The following LSM14B variants were observed in gnomAD, a reference collection of about 807,000 sequenced individuals.
LSM14B encodes the protein protein LSM14 homolog B.
A neutral mutation model predicts 42.1 loss-of-function variants in LSM14B; 8 were observed. The observed-to-expected ratio is 0.19, with a 90% CI of 0.11 to 0.34. The LOEUF (loss-of-function observed/expected upper bound fraction) is 0.34. Ranked by LOEUF, LSM14B falls within the 10% of genes least tolerant of loss-of-function variation. The pLI is 1.00. For synonymous variants in LSM14B, 219 were observed against 209.7 expected (o/e 1.04, Z -0.38); for missense variants, 396 against 513.1 (o/e 0.77, Z 2.21).
At chr20:62,123,726 C>G (rs1409096179) in intron 1 of LSM14B, among the ~76,000 whole-genome samples, 8 of 152,236 alleles carry the variant, frequency 5.3e-5, no homozygotes, top group Non-Finnish European at 1.2e-4. Context: ...CTAGACGCGT[C>G]TGAAACGCTG....
At chr20:62,133,515 G>C in intron 8 of LSM14B, 40 bp downstream of exon 8, 4 of 1,586,734 alleles carry the variant, frequency 2.5e-6, no homozygotes, top group Non-Finnish European at 3.4e-6. Flanking sequence ...GTGGGAGGGT[G>C]TAGGGTCAGG....
chr20:62,129,675 C>T, intron 3 of LSM14B, 110 bp from the exon 4 acceptor site: 13 of 1,166,550 alleles, frequency 1.1e-5, no homozygotes, highest in Non-Finnish European at 1.5e-5. Context: ...AACATCTAGG[C>T]AGTTGCCCTC....
Position 62,133,305 on chromosome 20 carries a change from G to C in LSM14B, c.1002G>C (p.Thr334=). Residue 334 remains threonine (T), a synonymous_variant, in exon 8 of 9, where the codon ACG becomes ACC. Transcript: ENST00000279068. Reference sequence around the variant, plus strand: ...TGTGGTTTAGCTCCAGGCGGACGACGTGGGCCGAAGAGAGGAAGCTCAACA... The same window carrying C: ...TGTGGTTTAGCTCCAGGCGGACGACCTGGGCCGAAGAGAGGAAGCTCAACA... ...SELKTSSRRT[T]WAEERKLNTE... is the part of the protein sequence containing the mutation. 6.2e-7 allele frequency: 1 copy of C among 1,613,404 alleles called. No homozygotes were observed. Among genetic ancestry groups the C allele is most frequent in the South Asian group, 1.1e-5 (1 of 91,080 alleles).
intron 3 of LSM14B, chr20:62,127,748 G>A (rs971540619): frequency 2.3e-6 from 3 of 1,278,950 alleles, no homozygotes; most frequent in Non-Finnish European, 3.3e-6. Context: ...AAACCATTCT[G>A]AGAGCGAGGG....
chr20:62,129,130 A>C (rs916675874), intron 3 of LSM14B: 7 of 558,084 alleles, frequency 1.3e-5, no homozygotes, highest in Admixed American at 3.2e-5. Flanking sequence ...TCATAGGCAT[A>C]GCCCCTTGCC....
Position 62,126,391 on chromosome 20 carries a change from G to A in LSM14B, c.379G>A (p.Ala127Thr), listed in dbSNP as rs560632694. The A allele has an allele frequency of 6.2e-7, 1 of 1,611,968 alleles. No homozygotes were observed. The highest frequency in any genetic ancestry group is 2.2e-5 in the East Asian group (1 of 44,888). Residue 127 changes from alanine (A) to threonine (T), a missense_variant, in exon 3 of 9, where the codon GCG (alanine) becomes ACG (threonine). Coordinates refer to ENST00000279068, the MANE Select transcript of LSM14B (RefSeq NM_144703.3). ...FRGMAPYGPL[A>T]ASSLLSQQYA... Reference sequence around the variant, plus strand: ...AGGGATGGCGCCCTACGGCCCGCTGGCGGCCAGCTCCCTGCTCAGCCAGCA... The same window carrying A: ...AGGGATGGCGCCCTACGGCCCGCTGACGGCCAGCTCCCTGCTCAGCCAGCA...
rs542463178 is a variant in LSM14B, at chr20:62,130,015, G to T, written c.595+63G>T. ...TTCTAAAAGTGGCACACTACTTCCTGGGCTATTTTTTTTTTTTTAATTAAA... is the reference window on the plus strand; with the variant it reads ...TTCTAAAAGTGGCACACTACTTCCTTGGCTATTTTTTTTTTTTTAATTAAA... On this transcript the variant is annotated intron_variant, in intron 4 of 8. Coordinates refer to ENST00000279068, the MANE Select transcript of LSM14B (RefSeq NM_144703.3). The surrounding 1 kb of genome is among the most constrained non-coding windows in gnomAD (Gnocchi z 4.1). 4.8e-5 allele frequency: 71 copies of T among 1,480,660 alleles called. No individual in the cohort carries two copies. Among genetic ancestry groups the T allele is most frequent in the Non-Finnish European group, 5.6e-5 (62 of 1,113,398 alleles). The allele number at this position is 1,480,660 out of a possible 1,614,324, so 91.7% of individuals were successfully genotyped here.
At position 62,135,079 on chromosome 20, in the gene LSM14B, G is replaced by GT. The variant is rs1223169002; in HGVS notation, c.*932dup. The GT allele has an allele frequency of 2.6e-5, 4 of 152,156 alleles. No homozygotes were observed. The highest frequency in any genetic ancestry group is 9.7e-5 in the African/African-American group (4 of 41,416). 9.4% of individuals were successfully genotyped at this position (152,156 alleles called of 1,614,324 possible). On this transcript the variant is annotated 3_prime_UTR_variant, in exon 9 of 9. Coordinates refer to ENST00000279068, the MANE Select transcript of LSM14B (RefSeq NM_144703.3). ...TACATCGTTGTTTTGTGTTTGTGTT[G>GT]TAACAGTGGGTGGAGGGAGGGTGGG...
Position 62,130,283 on chromosome 20 carries a change from G to A in LSM14B, c.660G>A (p.Gln220=), listed in dbSNP as rs547352933. Reference sequence around the variant, plus strand: ...TGAATGACGAGAACAGAAGACCTCAGAGGAGGCGATCAGGTAACACCTGTT... The same window carrying A: ...TGAATGACGAGAACAGAAGACCTCAAAGGAGGCGATCAGGTAACACCTGTT... The part of the protein sequence containing the change: ...GQVNDENRRP[Q]RRRSGNRRTR... Residue 220 remains glutamine (Q), a synonymous_variant, in exon 5 of 9, where the codon CAG becomes CAA. Transcript: ENST00000279068. This position sits in a 1 kb window ranked among gnomAD's most constrained non-coding sequence, Gnocchi z 4.1. 6.3e-7 allele frequency: 1 copy of A among 1,598,034 alleles called. No homozygotes were observed. Among genetic ancestry groups the A allele is most frequent in the South Asian group, 1.1e-5 (1 of 88,446 alleles).
At position 62,122,582 on chromosome 20, in the gene LSM14B, G is replaced by A. The variant is rs568285767; in HGVS notation, c.-85G>A. On this transcript the variant is annotated 5_prime_UTR_variant, in exon 1 of 9. Transcript: ENST00000279068. The surrounding 1 kb of genome is among the most constrained non-coding windows in gnomAD (Gnocchi z 4.6). ...GGCGGGCGGAGGAGCGCAGGAGCGG[G>A]CGGCCAGGCCACCGCGCGGCGGCGG... 588 of 960,528 alleles carry A rather than the reference G, an allele frequency of 6.1e-4. 5 individuals are homozygous for A. The African/African-American group carries it at 9.9e-3, about 16-fold the overall frequency. 59.5% of individuals were successfully genotyped at this position (960,528 alleles called of 1,614,324 possible). A position where few individuals can be genotyped will look rare whatever the true frequency, so the allele number is the denominator to read the frequency against.
chr20:62,123,798 C>T (rs1017840828), intron 1 of LSM14B, among the ~76,000 whole-genome samples: 4 of 152,200 alleles, frequency 2.6e-5, no homozygotes, highest in Non-Finnish European at 1.5e-5. Flanking sequence ...GGAGTGTCTC[C>T]TTTTGAAGCC....
chr20:62,127,537 C>A, intron 3 of LSM14B: 3 of 1,323,530 alleles, frequency 2.3e-6, no homozygotes, highest in East Asian at 2.5e-5. Context: ...TGTATCCTGA[C>A]TTATTTGTGT....
chr20:62,130,219 A>T lies in LSM14B; in HGVS notation c.596A>T (p.Asp199Val). 2 of 1,599,180 alleles carry T rather than the reference A, an allele frequency of 1.3e-6. No homozygotes were observed. The highest frequency in any genetic ancestry group is 1.7e-6 in the Non-Finnish European group (2 of 1,172,978). ...QAQPSSKTAS[D>V]VVQPAAVQAQ... ...CTTACTCTTCCCTTTTGCGCCGTAG[A>T]TGTAGTCCAGCCGGCAGCTGTGCAA... The change falls in exon 5 of 9, where the codon GAT becomes GTT. Residue 199 changes from aspartate (D) to valine (V), a missense_variant and splice_region_variant. Physicochemically the swap from Asp to Val is radical, Grantham distance 152. Around this residue, in one of 3 missense-constraint regions of LSM14B, gnomAD observed 274 missense variants for 335.8 expected, o/e 0.82. Transcript: ENST00000279068. This position sits in a 1 kb window ranked among gnomAD's most constrained non-coding sequence, Gnocchi z 4.1.
chr20:62,127,974 T>G (rs1426707304), intron 3 of LSM14B: 1 of 627,302 alleles, frequency 1.6e-6, no homozygotes, highest in Non-Finnish European at 2.9e-6. Context: ...ACGGGAAACT[T>G]CACTGTTCAC....
rs1365780352 is a variant in LSM14B at position 62,130,552 on chromosome 20, C to T, written c.696C>T (p.Arg232=). 1 of 1,613,888 alleles carries T rather than the reference C, an allele frequency of 6.2e-7. No individual in the cohort carries two copies. The highest frequency in any genetic ancestry group is 2.2e-5 in the East Asian group (1 of 44,882). ...CAGGAAACAGGCGAACAAGGAATCG[C>T]TCCAGAGGGCAAAACCGTCCAACTA... ...RRSGNRRTRN[R]SRGQNRPTNV... Residue 232 remains arginine, a synonymous_variant, in exon 6 of 9, where the codon CGC becomes CGT. Coordinates refer to ENST00000279068, the MANE Select transcript of LSM14B (RefSeq NM_144703.3). This position sits in a 1 kb window ranked among gnomAD's most constrained non-coding sequence, Gnocchi z 4.1.
intron 8 of LSM14B, 21 bp downstream of exon 8, chr20:62,133,496 G>C: frequency 3.1e-6 from 5 of 1,602,188 alleles, no homozygotes; most frequent in Non-Finnish European, 4.3e-6. Context: ...GAACCTTCTG[G>C]ACGCTTTGGT....
In LSM14B at chr20:62,131,520, T is replaced by C. The variant is rs750810313; in HGVS notation, c.986+14T>C. On this transcript the variant is annotated intron_variant, in intron 7 of 8. Transcript: ENST00000279068. ...ACTCAAGACCAGGTGAGAGGCTGAATGAATGAGGGGAGGACAGTCCTCCAA... is the reference window on the plus strand; with the variant it reads ...ACTCAAGACCAGGTGAGAGGCTGAACGAATGAGGGGAGGACAGTCCTCCAA... 7 of 1,611,256 alleles carry C rather than the reference T, an allele frequency of 4.3e-6. No individual in the cohort carries two copies. The African/African-American group carries it at 6.7e-5, about 15-fold the overall frequency.
At chr20:62,123,023 G>C in intron 1 of LSM14B, 1 of 244,418 alleles carries the variant, frequency 4.1e-6, no homozygotes, top group Non-Finnish European at 7.7e-6. Flanking sequence ...CCGCACAATG[G>C]TCTCCCTGGG....
chr20:62,128,332 A>G (rs1006430889), intron 3 of LSM14B, among the ~76,000 whole-genome samples: 3 of 152,252 alleles, frequency 2.0e-5, no homozygotes, highest in Non-Finnish European at 2.9e-5. Context: ...TGTGTTACAC[A>G]TAGCACCCTG....
Sources: allele counts gnomAD v4.1 joint callset (sites outside exome capture counted in the v4.1 genomes callset), GRCh38; gene constraint gnomAD v4.1.1; regional missense constraint gnomAD v4.1.1; non-coding constraint Gnocchi (gnomAD v3.1); transcripts MANE v1.5; gene names NCBI Gene and HGNC (gene_info 2026-07-23, HGNC 2026-07-21).